Variants in GPR75 observed in about 807,000 individuals in gnomAD.
The protein encoded by GPR75 is probable G protein-coupled receptor 75.
In GPR75, 27 loss-of-function variants were observed where a neutral mutation model predicts 26.0. The observed-to-expected ratio is 1.04, with a 90% CI of 0.77 to 1.43. The LOEUF (loss-of-function observed/expected upper bound fraction) is 1.43, where lower values mean the gene tolerates loss of function less well. GPR75 is among the 40% of genes most tolerant of loss of function. GPR75 has a pLI of 0.00. For synonymous variants in GPR75, 285 were observed against 256.3 expected, an observed-to-expected ratio of 1.11 and a Z score of -1.07; for missense variants, 699 against 662.3, an observed-to-expected ratio of 1.06 and a Z score of -0.61.
intron 1 of GPR75, among the ~76,000 whole-genome samples, chr2:53,855,350 G>A (rs909223494): frequency 2.6e-5 from 4 of 152,194 alleles, no homozygotes; most frequent in South Asian, 4.1e-4. Context: ...TCTTGGCCTC[G>A]CCCCTTGTGA....
intron 1 of GPR75, among the ~76,000 whole-genome samples, chr2:53,859,611 CGGTGGGTG>C (rs1037222546): frequency 1.0e-3 from 3 of 2,976 alleles, no homozygotes; most frequent in Non-Finnish European, 2.0e-3. Context: ...AGGGTAGGGG[CGGTGGGTG>C]GGTGGGTGGG....
At chr2:53,855,133 T>G (rs78872267) in intron 1 of GPR75, among the ~76,000 whole-genome samples, 1 of 146,912 alleles carries the variant, frequency 6.8e-6, no homozygotes, top group Admixed American at 6.8e-5. Context: ...CTCTCTCTCT[T>G]TTTTTTTTTT....
At position 53,854,864 on chromosome 2, in the gene GPR75, GC is replaced by G; in HGVS notation, c.-109del. 1 of 796,632 alleles carries G rather than the reference GC, an allele frequency of 1.3e-6. No individual in the cohort carries two copies. Among genetic ancestry groups the G allele is most frequent in the South Asian group, 1.7e-5 (1 of 58,266 alleles). The allele number at this position is 796,632 out of a possible 1,614,324, so 49.3% of individuals were successfully genotyped here. On this transcript the variant is annotated splice_region_variant and 5_prime_UTR_variant, in exon 2 of 2. It introduces an in-frame stop codon into an upstream open reading frame of the 5' UTR. Transcript: ENST00000394705. ...GACAAAAGAGGCCCAAGACAGATAA[GC>G]CTACACACAAAAATGCACACCCAGA... is the stretch of plus-strand genomic sequence containing the variant.
At chr2:53,856,986 T>C (rs1255880639) in intron 1 of GPR75, among the ~76,000 whole-genome samples, 1 of 110,600 alleles carries the variant, frequency 9.0e-6, no homozygotes, top group Non-Finnish European at 1.7e-5. Flanking sequence ...AGACGGAGTC[T>C]CGCTCTGTCG....
At position 53,854,088 on chromosome 2, in the gene GPR75, G is replaced by C; in HGVS notation, c.669C>G (p.Ile223Met). ...TCTTCCGCAGGGTCTGAGCAATCAT[G>C]ATGTAAGAGACAGAGACCACAGCAA... ...FCVAVVSVSY[I>M]MIAQTLRKNA... Residue 223 changes from isoleucine to methionine, a missense_variant, in exon 2 of 2, where the codon ATC becomes ATG. Transcript: ENST00000394705. The C allele has an allele frequency of 6.2e-7, 1 of 1,614,172 alleles. No individual in the cohort carries two copies. Among genetic ancestry groups the C allele is most frequent in the African/African-American group, 1.3e-5 (1 of 75,036 alleles).
At chr2:53,856,895 G>T (rs1678240296) in intron 1 of GPR75, among the ~76,000 whole-genome samples, 1 of 149,372 alleles carries the variant, frequency 6.7e-6, no homozygotes, top group Non-Finnish European at 1.5e-5. Flanking sequence ...CCACTTAAAG[G>T]CTGTATATTT....
In GPR75 at chr2:53,853,134, T is replaced by G; in HGVS notation, c.1623A>C (p.Ter541TyrextTer24). ...SAKQIPVPSV[*>Y] is the part of the protein sequence containing the mutation. ...ATAAGATCCTATAGCCTCCATGACT[T>G]TAAACGGAGGGGACTGGAATCTGCT... is the stretch of plus-strand genomic sequence containing the variant. The change falls in exon 2 of 2, where the codon TAA becomes TAC. Residue 541 changes from the stop codon to tyrosine, a stop_lost. Coordinates refer to ENST00000394705, the MANE Select transcript of GPR75 (RefSeq NM_006794.4). The G allele has an allele frequency of 1.2e-6, 2 of 1,609,400 alleles. No individual in the cohort carries two copies. The highest frequency in any genetic ancestry group is 1.7e-6 in the Non-Finnish European group (2 of 1,176,314).
chr2:53,853,287 A>C lies in GPR75; in HGVS notation c.1470T>G (p.Pro490=). 1 of 1,614,176 alleles carries C rather than the reference A, an allele frequency of 6.2e-7. No homozygotes were observed. Residue 490 remains proline (P), a synonymous_variant, in exon 2 of 2, where the codon CCT becomes CCG. Transcript: ENST00000394705. ...TACATGGGCTGCTCTCCTCCTGGGAAGGGCTGCTGTTATAGATGCTGTAGT... is the reference window on the plus strand; with the variant it reads ...TACATGGGCTGCTCTCCTCCTGGGACGGGCTGCTGTTATAGATGCTGTAGT... The part of the protein sequence containing the change: ...EPYYSIYNSS[P]SQEESSPCNL...
Position 53,853,573 on chromosome 2 carries a change from C to T in GPR75, c.1184G>A (p.Gly395Asp), listed in dbSNP as rs141336645. Residue 395 changes from glycine to aspartate, a missense_variant, in exon 2 of 2, where the codon GGC becomes GAC. Gly to Asp is a moderately conservative substitution (Grantham distance 94). Coordinates refer to ENST00000394705, the MANE Select transcript of GPR75 (RefSeq NM_006794.4). ...TTGTTTGCAGCAGAAAAAACCCAGGCCTATGTATTGGAGGCACCAGAGCAC... is the reference window on the plus strand; with the variant it reads ...TTGTTTGCAGCAGAAAAAACCCAGGTCTATGTATTGGAGGCACCAGAGCAC... Reference protein sequence around the residue: ...RKVLWCLQYIGLGFFCCKQKT... With the variant: ...RKVLWCLQYIDLGFFCCKQKT... The T allele has an allele frequency of 4.3e-6, 7 of 1,613,934 alleles. No individual in the cohort carries two copies. In the African/African-American group the frequency reaches 6.7e-5, roughly 15 times the overall value.
At position 53,854,722 on chromosome 2, in the gene GPR75, T is replaced by A; in HGVS notation, c.35A>T (p.Asn12Ile). The A allele has an allele frequency of 6.2e-7, 1 of 1,613,924 alleles. No individual in the cohort carries two copies. Among genetic ancestry groups the A allele is most frequent in the South Asian group, 1.1e-5 (1 of 91,064 alleles). ...NSTGHLQDAP[N>I]ATSLHVPHSQ... is the part of the protein sequence containing the mutation. ...GTGAGGCACATGGAGCGAGGTGGCATTGGGGGCATCCTGAAGGTGGCCTGT... is the reference window on the plus strand; with the variant it reads ...GTGAGGCACATGGAGCGAGGTGGCAATGGGGGCATCCTGAAGGTGGCCTGT... The change falls in exon 2 of 2, where the codon AAT becomes ATT. Residue 12 changes from asparagine (N) to isoleucine (I), a missense_variant. By Grantham distance (149) the Asn-to-Ile change is moderately radical. Coordinates refer to ENST00000394705, the MANE Select transcript of GPR75 (RefSeq NM_006794.4).
rs754547237 is a variant in GPR75, at chr2:53,854,705, C to A, written c.52G>T (p.Val18Leu). 3.1e-6 allele frequency: 5 copies of A among 1,614,076 alleles called. No individual in the cohort carries two copies. Among genetic ancestry groups the A allele is most frequent in the Non-Finnish European group, 3.4e-6 (4 of 1,180,006 alleles). Reference protein sequence around the residue: ...QDAPNATSLHVPHSQEGNSTS... With the variant: ...QDAPNATSLHLPHSQEGNSTS... ...CTGTTTCCTTCCTGTGAGTGAGGCA[C>A]ATGGAGCGAGGTGGCATTGGGGGCA... is the stretch of plus-strand genomic sequence containing the variant. Residue 18 changes from valine to leucine, a missense_variant, in exon 2 of 2, where the codon GTG becomes TTG. Transcript: ENST00000394705.
chr2:53,853,500 T>C lies in GPR75; in HGVS notation c.1257A>G (p.Arg419=). 3.1e-6 allele frequency: 5 copies of C among 1,614,114 alleles called. No individual in the cohort carries two copies. The highest frequency in any genetic ancestry group is 4.2e-6 in the Non-Finnish European group (5 of 1,180,006). Residue 419 remains arginine (R), a synonymous_variant, in exon 2 of 2, where the codon AGA becomes AGG. Transcript: ENST00000394705. ...AMGKGNLEVN[R]NKSSHHETNS... is the part of the protein sequence containing the mutation. ...TTGTTTCATGATGGGAGGATTTGTT[T>C]CTGTTGACTTCGAGGTTCCCTTTTC...
Position 53,854,037 on chromosome 2 carries a change from A to G in GPR75, c.720T>C (p.Pro240=). Residue 240 remains proline (P), a synonymous_variant, in exon 2 of 2, where the codon CCT becomes CCC. Transcript: ENST00000394705. ...RKNAQVRKCP[P]VITVDASRPQ... The stretch of plus-strand genomic sequence containing the variant: ...GTCTGGAAGCATCGACTGTGATTAC[A>G]GGGGGGCACTTTCTGACTTGAGCGT... The G allele has an allele frequency of 6.2e-7, 1 of 1,614,180 alleles. No homozygotes were observed. Among genetic ancestry groups the G allele is most frequent in the Non-Finnish European group, 8.5e-7 (1 of 1,180,016 alleles).
chr2:53,856,570 G>A (rs1200375910), intron 1 of GPR75, among the ~76,000 whole-genome samples: 1 of 152,130 alleles, frequency 6.6e-6, no homozygotes, highest in Non-Finnish European at 1.5e-5. Context: ...TAGCAGCTAT[G>A]GACTACCCAA....
At chr2:53,857,183 G>C (rs1301377072) in intron 1 of GPR75, among the ~76,000 whole-genome samples, 1 of 151,032 alleles carries the variant, frequency 6.6e-6, no homozygotes, top group Non-Finnish European at 1.5e-5. Flanking sequence ...TAGCCAGGAT[G>C]GTCTCGATCT....
In GPR75 at chr2:53,852,928, A is replaced by C; in HGVS notation, c.*206T>G. ...AGGCAAAGAGCAGGGTAAAAAATCT[A>C]AAACTTTCACATCAAATCTTAAGAT... On this transcript the variant is annotated 3_prime_UTR_variant, in exon 2 of 2. Coordinates refer to ENST00000394705, the MANE Select transcript of GPR75 (RefSeq NM_006794.4). 1 of 534,224 alleles carries C rather than the reference A, an allele frequency of 1.9e-6. No individual in the cohort carries two copies. Among genetic ancestry groups the C allele is most frequent in the Non-Finnish European group, 3.3e-6 (1 of 303,942 alleles). The allele number at this position is 534,224 out of a possible 1,614,324, so 33.1% of individuals were successfully genotyped here.
Position 53,853,079 on chromosome 2 carries a change from C to T in GPR75, c.*55G>A. The T allele has an allele frequency of 7.8e-7, 1 of 1,278,062 alleles. No homozygotes were observed. The highest frequency in any genetic ancestry group is 1.4e-5 in the South Asian group (1 of 73,928). The allele number at this position is 1,278,062 out of a possible 1,614,324, so 79.2% of individuals were successfully genotyped here. A position where few individuals can be genotyped will look rare whatever the true frequency, so the allele number is the denominator to read the frequency against. ...CACTGATCTCAAGTTAGAATAAAGT[C>T]CATTACTATCAGAAACAAAAACTGT... On this transcript the variant is annotated 3_prime_UTR_variant, in exon 2 of 2. Coordinates refer to ENST00000394705, the MANE Select transcript of GPR75 (RefSeq NM_006794.4).
At position 53,854,837 on chromosome 2, in the gene GPR75, G is replaced by A. The variant is rs1314240990; in HGVS notation, c.-81C>T. The A allele has an allele frequency of 9.1e-7, 1 of 1,101,852 alleles. No homozygotes were observed. Among genetic ancestry groups the A allele is most frequent in the Non-Finnish European group, 1.3e-6 (1 of 753,606 alleles). The allele number at this position is 1,101,852 out of a possible 1,614,324, so 68.3% of individuals were successfully genotyped here. Reference sequence around the variant, plus strand: ...GCCTCAGCTCACAGATGAGCAATATGTGACAAAAGAGGCCCAAGACAGATA... The same window carrying A: ...GCCTCAGCTCACAGATGAGCAATATATGACAAAAGAGGCCCAAGACAGATA... On this transcript the variant is annotated 5_prime_UTR_variant, in exon 2 of 2. Transcript: ENST00000394705.
At position 53,854,025 on chromosome 2, in the gene GPR75, G is replaced by A. The variant is rs559738797; in HGVS notation, c.732C>T (p.Val244=). 5.0e-6 allele frequency: 8 copies of A among 1,614,188 alleles called. No homozygotes were observed. Among genetic ancestry groups the A allele is most frequent in the South Asian group, 3.3e-5 (3 of 91,078 alleles). Residue 244 remains valine, a synonymous_variant, in exon 2 of 2, where the codon GTC becomes GTT. Coordinates refer to ENST00000394705, the MANE Select transcript of GPR75 (RefSeq NM_006794.4). ...QVRKCPPVIT[V]DASRPQPFMG... ...TGAAAGGCTGTGGTCTGGAAGCATC[G>A]ACTGTGATTACAGGGGGGCACTTTC...
Sources: gnomAD v4.1 joint callset for allele counts (sites outside exome capture counted in the v4.1 genomes callset) on GRCh38, gnomAD v4.1.1 for gene constraint, MANE v1.5 for transcripts, NCBI Gene and HGNC (gene_info 2026-07-23, HGNC 2026-07-21) for gene names.